MVB12B: variants seen among roughly 807,000 people sequenced by gnomAD.
MVB12B encodes multivesicular body subunit 12B.
Under a neutral mutation model 41.6 loss-of-function variants are expected in MVB12B, and 16 were observed. The observed-to-expected ratio is 0.38, with a 90% CI of 0.26 to 0.58. The LOEUF (loss-of-function observed/expected upper bound fraction) is 0.58. Ranked by LOEUF, MVB12B falls within the 20% of genes least tolerant of loss-of-function variation. The pLI is 0.62. For synonymous variants in MVB12B, 133 were observed against 139.7 expected, an observed-to-expected ratio of 0.95 and a Z score of 0.34; for missense variants, 274 against 380.2, an observed-to-expected ratio of 0.72 and a Z score of 2.32.
intron 2 of MVB12B, among the ~76,000 whole-genome samples, chr9:126,348,433 T>C (rs1829657473): frequency 3.9e-5 from 6 of 152,188 alleles, no homozygotes; most frequent in Admixed American, 3.9e-4. Flanking sequence ...TATCGTTAGG[T>C]GATCCTCTTA....
chr9:126,461,700 A>G (rs1489357600), intron 7 of MVB12B, among the ~76,000 whole-genome samples: 2 of 151,898 alleles, frequency 1.3e-5, no homozygotes, highest in Non-Finnish European at 2.9e-5. Flanking sequence ...AAAGTAATAG[A>G]CGTGGAGAGC....
At chr9:126,430,943 T>C (rs1449400530) in intron 7 of MVB12B, among the ~76,000 whole-genome samples, 1 of 152,236 alleles carries the variant, frequency 6.6e-6, no homozygotes, top group Admixed American at 6.5e-5. Flanking sequence ...GTTGTGAAGA[T>C]CTAGGGTAGG....
intron 9 of MVB12B, among the ~76,000 whole-genome samples, chr9:126,501,368 C>A (rs533108827): frequency 4.3e-4 from 65 of 152,342 alleles, no homozygotes; most frequent in African/African-American, 1.5e-3. Flanking sequence ...AGGAGAGGAG[C>A]CTGCCTGAGT....
chr9:126,382,035 T>C (rs1830651432), intron 3 of MVB12B, among the ~76,000 whole-genome samples: 1 of 151,034 alleles, frequency 6.6e-6, no homozygotes, highest in Non-Finnish European at 1.5e-5. Flanking sequence ...ATGTAAATTT[T>C]TATTTTGGGA....
intron 6 of MVB12B, among the ~76,000 whole-genome samples, chr9:126,405,451 A>G (rs1831392310): frequency 6.6e-6 from 1 of 151,988 alleles, no homozygotes; most frequent in Non-Finnish European, 1.5e-5. Flanking sequence ...TGTGAACCAG[A>G]CCATTTAGAG....
At chr9:126,442,265 C>T (rs1482799868) in intron 7 of MVB12B, among the ~76,000 whole-genome samples, 1 of 152,182 alleles carries the variant, frequency 6.6e-6, no homozygotes, top group African/African-American at 2.4e-5. Flanking sequence ...CTAGAGGCTC[C>T]TCCCATCAGA....
rs1830808716 is a variant in MVB12B at position 126,386,805 on chromosome 9, G to A, written c.409+147G>A. ...ATGAACAAACCCTGCTGCTTTTGATGTGTGTCTGGCTGGGTTCTCCAAGGA... is the reference window on the plus strand; with the variant it reads ...ATGAACAAACCCTGCTGCTTTTGATATGTGTCTGGCTGGGTTCTCCAAGGA... On this transcript the variant is annotated intron_variant, in intron 4 of 9. Coordinates refer to ENST00000361171, the MANE Select transcript of MVB12B (RefSeq NM_033446.3). The surrounding 1 kb of genome is among the most constrained non-coding windows in gnomAD (Gnocchi z 4.3). 1 of 634,332 alleles carries A rather than the reference G, an allele frequency of 1.6e-6. No homozygotes were observed. Among genetic ancestry groups the A allele is most frequent in the Admixed American group, 2.5e-5 (1 of 40,268 alleles). 39.3% of individuals were successfully genotyped at this position (634,332 alleles called of 1,614,324 possible).
At chr9:126,378,636 C>G (rs139769501) in intron 2 of MVB12B, among the ~76,000 whole-genome samples, 6 of 151,890 alleles carry the variant, frequency 4.0e-5, no homozygotes, top group Non-Finnish European at 8.8e-5. Flanking sequence ...CTCTGTCTCT[C>G]TCTCTCTCTC....
intron 7 of MVB12B, among the ~76,000 whole-genome samples, chr9:126,424,500 C>G (rs577176621): frequency 4.7e-4 from 72 of 152,314 alleles, no homozygotes; most frequent in Non-Finnish European, 9.7e-4. Flanking sequence ...GGTAGTCATC[C>G]TGATTTTGCT....
chr9:126,410,255 A>G (rs1206638335), intron 6 of MVB12B, among the ~76,000 whole-genome samples: 1 of 152,004 alleles, frequency 6.6e-6, no homozygotes, highest in Non-Finnish European at 1.5e-5. Context: ...GGTAGGTTGG[A>G]GTTGCATTGG....
intron 2 of MVB12B, among the ~76,000 whole-genome samples, chr9:126,352,150 GAAA>G (rs1324119711): frequency 6.6e-6 from 1 of 151,904 alleles, no homozygotes; most frequent in Admixed American, 6.6e-5. Context: ...GAAAAAGAAA[GAAA>G]AAAATGTTGT....
At position 126,459,997 on chromosome 9, in the gene MVB12B, CT is replaced by C. The variant is rs1179940296; in HGVS notation, c.758-21368del. On this transcript the variant is annotated intron_variant, in intron 7 of 9. Coordinates refer to ENST00000361171, the MANE Select transcript of MVB12B (RefSeq NM_033446.3). The surrounding 1 kb of genome is among the most constrained non-coding windows in gnomAD (Gnocchi z 4.3). ...AATTTGAGGCTCCCATTTGAAACCACTTTTCCCCAGCCGTGGCCTCTGCAGT... is the reference window on the plus strand; with the variant it reads ...AATTTGAGGCTCCCATTTGAAACCACTTTCCCCAGCCGTGGCCTCTGCAGT... 1.3e-5 allele frequency among the ~76,000 whole-genome samples: 2 copies of C among 152,218 alleles called. No individual in the cohort carries two copies. Among genetic ancestry groups the C allele is most frequent in the East Asian group, 3.9e-4 (2 of 5,184 alleles).
chr9:126,381,193 A>G, intron 3 of MVB12B, 22 bp downstream of exon 3: 1 of 1,523,692 alleles, frequency 6.6e-7, no homozygotes, highest in Non-Finnish European at 9.1e-7. Flanking sequence ...CGTAGTTTCC[A>G]TTTGCTGAGT....
intron 7 of MVB12B, among the ~76,000 whole-genome samples, chr9:126,450,045 T>A (rs1224634110): frequency 1.3e-5 from 2 of 152,234 alleles, no homozygotes; most frequent in Non-Finnish European, 2.9e-5. Flanking sequence ...GAGCACTCCA[T>A]GAGAGATGCC....
intron 7 of MVB12B, among the ~76,000 whole-genome samples, chr9:126,442,109 C>T (rs1215723403): frequency 1.3e-5 from 2 of 152,136 alleles, no homozygotes; most frequent in East Asian, 1.9e-4. Context: ...GATGTACTTT[C>T]CCTATGTATT....
In MVB12B at chr9:126,395,159, T is replaced by C. The variant is rs1174902952; in HGVS notation, c.540-416T>C. Among the ~76,000 whole-genome samples, 1 of 152,194 alleles carries C rather than the reference T, an allele frequency of 6.6e-6. No homozygotes were observed. Among genetic ancestry groups the C allele is most frequent in the Non-Finnish European group, 1.5e-5 (1 of 68,032 alleles). The stretch of plus-strand genomic sequence containing the variant: ...TGTATCCTGAGATTGGAGTGTGTTA[T>C]AGAGTAGGGGGCTAATTCTTCTCAT... On this transcript the variant is annotated intron_variant, in intron 5 of 9. Transcript: ENST00000361171. The surrounding 1 kb of genome is among the most constrained non-coding windows in gnomAD (Gnocchi z 4.9).
chr9:126,397,015 T>C, intron 6 of MVB12B: 7 of 985,544 alleles, frequency 7.1e-6, no homozygotes, highest in Non-Finnish European at 8.4e-6. Context: ...ATCAGGTGTG[T>C]CACCTGTGCT....
At chr9:126,488,582 G>A (rs980967244) in intron 9 of MVB12B, among the ~76,000 whole-genome samples, 4 of 152,144 alleles carry the variant, frequency 2.6e-5, no homozygotes, top group Non-Finnish European at 4.4e-5. Context: ...ACCCATTTAC[G>A]GAAGTCTGGA....
At chr9:126,359,099 T>G (rs903248730) in intron 2 of MVB12B, among the ~76,000 whole-genome samples, 2 of 151,948 alleles carry the variant, frequency 1.3e-5, no homozygotes, top group African/African-American at 4.8e-5. Context: ...CTCACTCTGT[T>G]GCCCAGGCTG....
Sources: gnomAD v4.1 joint callset for allele counts (sites outside exome capture counted in the v4.1 genomes callset) on GRCh38, gnomAD v4.1.1 for gene constraint, Gnocchi (gnomAD v3.1) non-coding constraint, MANE v1.5 for transcripts, NCBI Gene and HGNC (gene_info 2026-07-23, HGNC 2026-07-21) for gene names.